The following TNR variants were observed in gnomAD, a reference collection of about 807,000 sequenced individuals.
TNR encodes the protein tenascin-R.
Under a neutral mutation model 150.4 loss-of-function variants are expected in TNR, and 45 were observed. That is an observed-to-expected ratio of 0.30 (90% CI 0.24 to 0.38). TNR has a LOEUF of 0.38. Ranked by LOEUF, TNR falls within the 10% of genes least tolerant of loss-of-function variation. The pLI, the probability that TNR is intolerant of heterozygous loss-of-function variation, is 1.00. For synonymous variants in TNR, 687 were observed against 678.4 expected, an observed-to-expected ratio of 1.01 and a Z score of -0.20; for missense variants, 1,544 against 1,759.1, an observed-to-expected ratio of 0.88 and a Z score of 2.19.
chr1:175,718,963 C>T lies in TNR; in HGVS notation c.-165+24263G>A, dbSNP rs114194502. On this transcript the variant is annotated intron_variant, in intron 1 of 22. Transcript: ENST00000367674. ...GCAAGGACGTTCACTTTCCCCTCCC[C>T]GCAATCCCACAATCTGCCAATTTCA... Among the ~76,000 whole-genome samples, 687 of 152,300 alleles carry T rather than the reference C, an allele frequency of 4.5e-3. 7 individuals are homozygous for T. The highest frequency in any genetic ancestry group is 0.015 in the African/African-American group (642 of 41,558).
chr1:175,543,407 T>C (rs1188085184), intron 1 of TNR, among the ~76,000 whole-genome samples: 1 of 152,146 alleles, frequency 6.6e-6, no homozygotes, highest in Non-Finnish European at 1.5e-5. Context: ...GAGAGAGTAC[T>C]TTTAATATGA....
chr1:175,465,266 T>C (rs898279385), intron 2 of TNR, among the ~76,000 whole-genome samples: 4 of 152,216 alleles, frequency 2.6e-5, no homozygotes, highest in African/African-American at 9.6e-5. Context: ...ATGGGGATAA[T>C]GATGCTACTG....
intron 1 of TNR, among the ~76,000 whole-genome samples, chr1:175,614,192 A>G (rs1254295204): frequency 2.6e-5 from 4 of 152,178 alleles, no homozygotes; most frequent in Non-Finnish European, 5.9e-5. Flanking sequence ...TCAAAATTCT[A>G]TTGTTGTCAA....
chr1:175,675,389 C>A (rs1050248907), intron 1 of TNR, among the ~76,000 whole-genome samples: 1 of 152,228 alleles, frequency 6.6e-6, no homozygotes, highest in Non-Finnish European at 1.5e-5. Flanking sequence ...ACTGTCATGG[C>A]AGACAGCAGT....
Position 175,460,489 on chromosome 1 carries a change from G to A in TNR, c.-63-53712C>T, listed in dbSNP as rs372929012. On this transcript the variant is annotated intron_variant, in intron 2 of 22. Transcript: ENST00000367674. ...CTTAGATTTCAAGGGGATGAACACC[G>A]GACTCATGCTGAAATATTAGTAATT... Among the ~76,000 whole-genome samples, 17 of 152,028 alleles carry A rather than the reference G, an allele frequency of 1.1e-4. No homozygotes were observed. In the East Asian group the frequency reaches 2.3e-3, roughly 21 times the overall value.
chr1:175,701,285 G>A (rs1006912682), intron 1 of TNR, among the ~76,000 whole-genome samples: 3 of 151,880 alleles, frequency 2.0e-5, no homozygotes, highest in South Asian at 2.1e-4. Flanking sequence ...CTTCACCATC[G>A]AAATGGATCT....
At position 175,323,347 on chromosome 1, in the gene TNR, C is replaced by A. The variant is rs371264534; in HGVS notation, c.*10G>T. 1 of 1,611,586 alleles carries A rather than the reference C, an allele frequency of 6.2e-7. No homozygotes were observed. The highest frequency in any genetic ancestry group is 2.2e-5 in the East Asian group (1 of 44,836). On this transcript the variant is annotated 3_prime_UTR_variant, in exon 23 of 23. Transcript: ENST00000367674. ...CAGAAAATATTGGTTGGCTTGCAGCCGCCCACTGCTCAGAACTGTAAGGAC... is the reference window on the plus strand; with the variant it reads ...CAGAAAATATTGGTTGGCTTGCAGCAGCCCACTGCTCAGAACTGTAAGGAC...
intron 1 of TNR, among the ~76,000 whole-genome samples, chr1:175,555,996 C>A (rs961221054): frequency 6.6e-6 from 1 of 152,248 alleles, no homozygotes; most frequent in African/African-American, 2.4e-5. Flanking sequence ...GCCTGCTCCA[C>A]CCCTGGATAC....
intron 1 of TNR, among the ~76,000 whole-genome samples, chr1:175,620,710 G>A (rs1366490580): frequency 6.6e-6 from 1 of 152,174 alleles, no homozygotes; most frequent in Non-Finnish European, 1.5e-5. Flanking sequence ...GTCATGCTGT[G>A]CACTGGGCTG....
chr1:175,398,894 T>C (rs1461374312), intron 4 of TNR, among the ~76,000 whole-genome samples: 1 of 152,240 alleles, frequency 6.6e-6, no homozygotes, highest in East Asian at 1.9e-4. Flanking sequence ...CATGTAGAGA[T>C]AATTATCCCA....
At chr1:175,727,964 T>G (rs1027087087) in intron 1 of TNR, among the ~76,000 whole-genome samples, 2 of 152,254 alleles carry the variant, frequency 1.3e-5, no homozygotes, top group Non-Finnish European at 2.9e-5. Context: ...TGCCAGACTA[T>G]TTCTAGTATT....
Position 175,610,195 on chromosome 1 carries a change from G to A in TNR, c.-164-81826C>T, listed in dbSNP as rs533099378. ...TGCAAGAAAGCCTTCTCACACATGG[G>A]AATGTTGAGTTTTACCTAAGACACA... On this transcript the variant is annotated intron_variant, in intron 1 of 22. Coordinates refer to ENST00000367674, the MANE Select transcript of TNR (RefSeq NM_003285.3). 2.5e-4 allele frequency among the ~76,000 whole-genome samples: 38 copies of A among 152,290 alleles called. No individual in the cohort carries two copies. In the South Asian group the frequency reaches 7.7e-3, roughly 31 times the overall value.
chr1:175,492,816 A>G lies in TNR; in HGVS notation c.-64+35453T>C, dbSNP rs556029477. On this transcript the variant is annotated intron_variant, in intron 2 of 22. Transcript: ENST00000367674. ...GATTAGTACATGGGGTTCATTGACA[A>G]TTCACTCTATTTTTATGTATTTTTG... 2.0e-5 allele frequency among the ~76,000 whole-genome samples: 3 copies of G among 152,270 alleles called. No individual in the cohort carries two copies. The East Asian group carries it at 5.8e-4, about 29-fold the overall frequency.
chr1:175,626,692 T>C (rs901191114), intron 1 of TNR, among the ~76,000 whole-genome samples: 2 of 152,240 alleles, frequency 1.3e-5, no homozygotes, highest in Non-Finnish European at 2.9e-5. Context: ...CTTAAAATAC[T>C]AGTTACCTAT....
At chr1:175,693,661 A>C (rs1666437432) in intron 1 of TNR, among the ~76,000 whole-genome samples, 1 of 152,114 alleles carries the variant, frequency 6.6e-6, no homozygotes, top group Non-Finnish European at 1.5e-5. Context: ...CTGTTCTAAA[A>C]TTTGCCACAT....
At chr1:175,600,886 C>G (rs538696147) in intron 1 of TNR, among the ~76,000 whole-genome samples, 1 of 152,196 alleles carries the variant, frequency 6.6e-6, no homozygotes, top group Non-Finnish European at 1.5e-5. Flanking sequence ...TTAAGACTTA[C>G]GCTACAGAGG....
chr1:175,573,083 T>C (rs1175922903), intron 1 of TNR, among the ~76,000 whole-genome samples: 2 of 152,236 alleles, frequency 1.3e-5, no homozygotes, highest in Non-Finnish European at 2.9e-5. Flanking sequence ...CAGTTTTTAG[T>C]GGTCCAAATT....
At position 175,315,797 on chromosome 1, in the gene TNR, C is replaced by T. The variant is rs879471261; in HGVS notation, c.*7560G>A. The T allele has an allele frequency of 7.3e-6, 1 of 136,890 alleles. No homozygotes were observed. Among genetic ancestry groups the T allele is most frequent in the Middle Eastern group, 3.6e-3 (1 of 278 alleles). The allele number at this position is 136,890 out of a possible 1,614,324, so 8.5% of individuals were successfully genotyped here. ...ATGTGCACCTGTGTATGTGTGCATG[C>T]ATGTGTGTGTGTGCATGTGTGTGTG... is the stretch of plus-strand genomic sequence containing the variant. On this transcript the variant is annotated 3_prime_UTR_variant, in exon 23 of 23. Transcript: ENST00000367674.
intron 1 of TNR, among the ~76,000 whole-genome samples, chr1:175,578,052 G>A (rs1006042665): frequency 1.4e-4 from 21 of 152,256 alleles, no homozygotes; most frequent in Non-Finnish European, 2.8e-4. Flanking sequence ...AGGGCCTGCC[G>A]TGTGCTGGAT....
Sources: allele counts gnomAD v4.1 joint callset (sites outside exome capture counted in the v4.1 genomes callset), GRCh38; gene constraint gnomAD v4.1.1; transcripts MANE v1.5; gene names NCBI Gene and HGNC (gene_info 2026-07-23, HGNC 2026-07-21).